Variants in GPATCH2L observed in about 807,000 individuals in gnomAD.
GPATCH2L encodes the protein G patch domain-containing protein 2-like.
GPATCH2L carries 31 observed loss-of-function variants against 57.4 expected under a neutral mutation model. The observed-to-expected ratio is 0.54, with a 90% confidence interval of 0.41 to 0.73. The LOEUF is 0.73. Among genes scored for constraint, GPATCH2L ranks in the 30% least tolerant of loss-of-function variants. The pLI, the probability that GPATCH2L is intolerant of heterozygous loss-of-function variation, is 0.00. For synonymous variants in GPATCH2L, 199 were observed against 210.7 expected (o/e 0.94, Z 0.48); for missense variants, 481 against 599.9 (o/e 0.80, Z 2.07).
In GPATCH2L at chr14:76,173,629, A is replaced by T; in HGVS notation, c.984+4A>T. On this transcript the variant is annotated splice_donor_region_variant and intron_variant, in intron 5 of 9. Transcript: ENST00000261530. Reference sequence around the variant, plus strand: ...GCGAAGAAGGCTGGTTGGGAAGGTGATACCTCTCACAGTTAGCTTGGCTCA... The same window carrying T: ...GCGAAGAAGGCTGGTTGGGAAGGTGTTACCTCTCACAGTTAGCTTGGCTCA... 3.2e-6 allele frequency: 5 copies of T among 1,571,324 alleles called. No homozygotes were observed. The highest frequency in any genetic ancestry group is 3.5e-6 in the Non-Finnish European group (4 of 1,140,880).
chr14:76,218,568 A>G (rs1438654696), downstream of GPATCH2L, among the ~76,000 whole-genome samples: 1 of 152,140 alleles, frequency 6.6e-6, no homozygotes, highest in Non-Finnish European at 1.5e-5. Context: ...AGAAATACGC[A>G]GCATCATAAA....
intron 6 of GPATCH2L, among the ~76,000 whole-genome samples, 168 bp downstream of exon 6, chr14:76,176,858 A>T (rs1195946710): frequency 6.6e-6 from 1 of 151,886 alleles, no homozygotes; most frequent in Non-Finnish European, 1.5e-5. Flanking sequence ...TGTGGCAGTG[A>T]TTTTCTTTTC....
At position 76,154,824 on chromosome 14, in the gene GPATCH2L, A is replaced by C. The variant is rs759822608; in HGVS notation, c.461A>C (p.Tyr154Ser). Residue 154 changes from tyrosine to serine, a missense_variant, in exon 2 of 10, where the codon TAT (tyrosine) becomes TCT (serine). This residue lies in a region of GPATCH2L where 208 missense variants were observed against 272.4 expected (regional missense o/e 0.76). Transcript: ENST00000261530. The surrounding 1 kb of genome is among the most constrained non-coding windows in gnomAD (Gnocchi z 4.4). ...AAGCTGAAGGTGTCAGATTGGAGCT[A>C]TGAGAGAGGCTGCAGGTTCAAGTCT... ...QQKLKVSDWS[Y>S]ERGCRFKSAK... The C allele has an allele frequency of 1.2e-6, 2 of 1,614,246 alleles. No homozygotes were observed. The highest frequency in any genetic ancestry group is 1.7e-6 in the Non-Finnish European group (2 of 1,180,028).
chr14:76,233,447 G>GT (rs1226716145), intron 2 of GPATCH2L, among the ~76,000 whole-genome samples: 1 of 152,110 alleles, frequency 6.6e-6, no homozygotes, highest in Admixed American at 6.5e-5. Flanking sequence ...ATCTTTAAAG[G>GT]TTTTTCTTGT....
At chr14:76,200,378 G>A (rs1413398456) in intron 9 of GPATCH2L, among the ~76,000 whole-genome samples, 1 of 152,160 alleles carries the variant, frequency 6.6e-6, no homozygotes, top group Non-Finnish European at 1.5e-5. Flanking sequence ...TTCTAGGGTA[G>A]TGCTTTTTTC....
In GPATCH2L at chr14:76,233,672, G is replaced by C. The variant is rs191804420; in HGVS notation, c.*117+3719G>C. Among the ~76,000 whole-genome samples the C allele has an allele frequency of 1.5e-4, 23 of 152,264 alleles. 1 individual carries two copies. In the East Asian group the frequency reaches 3.1e-3, roughly 20 times the overall value. On this transcript the variant is annotated intron_variant and NMD_transcript_variant, in intron 2 of 3. Coordinates refer to the GPATCH2L transcript ENST00000556372. ...TCAGTATGAATTTCTAAAAGATAAGGACTCTTCATTAAAGATTCACAAACG... is the reference window on the plus strand; with the variant it reads ...TCAGTATGAATTTCTAAAAGATAAGCACTCTTCATTAAAGATTCACAAACG...
downstream of GPATCH2L, among the ~76,000 whole-genome samples, chr14:76,218,215 G>A (rs1430316593): frequency 6.6e-6 from 1 of 152,048 alleles, no homozygotes. Context: ...AGACTTAGGC[G>A]AAACAATTAA....
chr14:76,185,129 CA>C (rs377466872), intron 8 of GPATCH2L, among the ~76,000 whole-genome samples: 400 of 152,244 alleles, frequency 2.6e-3, no homozygotes, highest in African/African-American at 9.2e-3. Context: ...ATAAATGGAT[CA>C]GGGGCAGAGT....
downstream of GPATCH2L, among the ~76,000 whole-genome samples, chr14:76,218,553 C>T (rs867758460): frequency 2.6e-5 from 4 of 151,914 alleles, no homozygotes; most frequent in African/African-American, 2.4e-5. Flanking sequence ...ACCACGTTCT[C>T]TCATAGAAAT....
At chr14:76,195,626 A>G (rs907976828) in intron 8 of GPATCH2L, among the ~76,000 whole-genome samples, 2 of 152,216 alleles carry the variant, frequency 1.3e-5, no homozygotes, top group Admixed American at 6.5e-5. Flanking sequence ...AATGCAACAC[A>G]TATTTATTGA....
chr14:76,195,793 T>G, intron 8 of GPATCH2L, 85 bp from the exon 9 acceptor site: 1 of 1,003,126 alleles, frequency 1.0e-6, no homozygotes, highest in Non-Finnish European at 1.6e-6. Flanking sequence ...CTGTAATAGG[T>G]TAAGGATTTA....
At chr14:76,224,260 T>G (rs1388736693) in intron 1 of GPATCH2L, among the ~76,000 whole-genome samples, 1 of 152,158 alleles carries the variant, frequency 6.6e-6, no homozygotes, top group African/African-American at 2.4e-5. Context: ...GGACTGCTAG[T>G]AGGTATGAGG....
chr14:76,166,800 C>A, intron 3 of GPATCH2L, 73 bp downstream of exon 3: 5 of 1,036,362 alleles, frequency 4.8e-6, no homozygotes, highest in Non-Finnish European at 7.5e-6. Flanking sequence ...AGGAGTGACT[C>A]ATGGAGAATA....
intron 9 of GPATCH2L, among the ~76,000 whole-genome samples, chr14:76,200,182 G>A (rs1278372897): frequency 6.6e-6 from 1 of 152,158 alleles, no homozygotes; most frequent in Non-Finnish European, 1.5e-5. Flanking sequence ...GGGAAATGGG[G>A]GGAGTTATTG....
At chr14:76,191,735 A>G (rs892217029) in intron 8 of GPATCH2L, among the ~76,000 whole-genome samples, 1 of 152,140 alleles carries the variant, frequency 6.6e-6, no homozygotes, top group Non-Finnish European at 1.5e-5. Context: ...TGATCAAATC[A>G]GGGTCATTAG....
At chr14:76,173,450 T>G in intron 4 of GPATCH2L, 96 bp from the exon 5 acceptor site, 1 of 714,274 alleles carries the variant, frequency 1.4e-6, no homozygotes, top group South Asian at 2.0e-5. Context: ...GTCAATCTAT[T>G]AAGATCCTGG....
chr14:76,215,083 C>A (rs2040480879), downstream of GPATCH2L, among the ~76,000 whole-genome samples: 1 of 151,590 alleles, frequency 6.6e-6, no homozygotes, highest in Non-Finnish European at 1.5e-5. Context: ...TTCTAAACAC[C>A]CAGAATAATA....
At chr14:76,194,510 C>G (rs2040085472) in intron 8 of GPATCH2L, among the ~76,000 whole-genome samples, 1 of 63,902 alleles carries the variant, frequency 1.6e-5, no homozygotes, top group South Asian at 4.9e-4. Flanking sequence ...TGTGTGCACG[C>G]TCATGCTTGC....
chr14:76,216,149 A>C (rs1272215875), downstream of GPATCH2L, among the ~76,000 whole-genome samples: 1 of 149,952 alleles, frequency 6.7e-6, no homozygotes. Flanking sequence ...TACTGTGTAA[A>C]GGTAAACACT....
Sources: allele counts gnomAD v4.1 joint callset (sites outside exome capture counted in the v4.1 genomes callset), GRCh38; gene constraint gnomAD v4.1.1; regional missense constraint gnomAD v4.1.1; non-coding constraint Gnocchi (gnomAD v3.1); transcripts MANE v1.5; gene names NCBI Gene and HGNC (gene_info 2026-07-23, HGNC 2026-07-21).